The following ESCO2 variants were observed in gnomAD, a reference collection of about 807,000 sequenced individuals.
ESCO2 encodes establishment of sister chromatid cohesion N-acetyltransferase 2.
ESCO2 carries 51 observed loss-of-function variants against 61.7 expected under a neutral mutation model. The observed-to-expected ratio is 0.83, with a 90% confidence interval of 0.66 to 1.04. The LOEUF is 1.04. Ranked by LOEUF, ESCO2 falls within the 50% of genes least tolerant of loss-of-function variation. The probability of loss-of-function intolerance (pLI) is 0.00; values close to 1 mark genes in which losing one functional copy is unlikely to be tolerated. For missense variants in ESCO2, 692 were observed against 686.2 expected (o/e 1.01, Z -0.09); for synonymous variants, 230 against 238.2 (o/e 0.97, Z 0.32).
chr8:27,788,039 C>A, intron 6 of ESCO2, 37 bp downstream of exon 6: 1 of 1,496,574 alleles, frequency 6.7e-7, no homozygotes, highest in Non-Finnish European at 9.3e-7. Flanking sequence ...CCTATCTAGC[C>A]CTTTGCAGAA....
At position 27,776,755 on chromosome 8, in the gene ESCO2, A is replaced by G. The variant is rs886062858; in HGVS notation, c.447A>G (p.Gln149=). 9.9e-6 allele frequency: 16 copies of G among 1,613,870 alleles called. No individual in the cohort carries two copies. The highest frequency in any genetic ancestry group is 1.4e-5 in the Non-Finnish European group (16 of 1,180,040). The change falls in exon 3 of 11, where the codon CAA becomes CAG. Residue 149 remains glutamine (Q), a synonymous_variant. Coordinates refer to ENST00000305188, the MANE Select transcript of ESCO2 (RefSeq NM_001017420.3). ...KPQKSLTAKY[Q]PKYRHIKPVS... ...AGAAGAGTTTAACTGCTAAGTATCA[A>G]CCAAAGTATAGACACATCAAGCCTG...
rs767846409 is a variant in ESCO2, at chr8:27,776,370, A to G, written c.62A>G (p.His21Arg). ...TTTGTTTCTTTTTATAGCCTTTTAC[A>G]CTTCACTGAAAATCTGTTTCCATCA... is the stretch of plus-strand genomic sequence containing the variant. ...QDSLKCDSLL[H>R]FTENLFPSPN... Residue 21 changes from histidine (H) to arginine (R), a missense_variant, in exon 3 of 11, where the codon CAC becomes CGC. Transcript: ENST00000305188. The G allele has an allele frequency of 1.2e-5, 19 of 1,604,248 alleles. No individual in the cohort carries two copies. The highest frequency in any genetic ancestry group is 1.4e-5 in the Non-Finnish European group (17 of 1,174,788).
intron 2 of ESCO2, among the ~76,000 whole-genome samples, chr8:27,776,116 T>C (rs1160963876): frequency 6.6e-6 from 1 of 152,242 alleles, no homozygotes; most frequent in African/African-American, 2.4e-5. Context: ...TACATGCATA[T>C]ATGTCTATCA....
At chr8:27,805,708 T>C (rs1014962105), downstream of ESCO2, among the ~76,000 whole-genome samples, 5 of 152,160 alleles carry the variant, frequency 3.3e-5, no homozygotes, top group Non-Finnish European at 7.3e-5. Flanking sequence ...CCTCCCAGGT[T>C]CAAGTGATCT....
At position 27,790,984 on chromosome 8, in the gene ESCO2, T is replaced by C. The variant is rs574797447; in HGVS notation, c.1264-979T>C. 7.2e-5 allele frequency among the ~76,000 whole-genome samples: 11 copies of C among 152,348 alleles called. No homozygotes were observed. In the South Asian group the frequency reaches 2.3e-3, roughly 32 times the overall value. ...CTCTGTAAAAAATGTCTTGACTTTT[T>C]CTGCACATTTACTCTTTCAATTAAA... On this transcript the variant is annotated intron_variant, in intron 7 of 10. Transcript: ENST00000305188.
At chr8:27,806,446 T>C (rs1371935450), downstream of ESCO2, among the ~76,000 whole-genome samples, 1 of 152,194 alleles carries the variant, frequency 6.6e-6, no homozygotes, top group African/African-American at 2.4e-5. Context: ...TCCCACTTTT[T>C]TTCTTCGGTC....
intron 2 of ESCO2, 149 bp downstream of exon 2, chr8:27,775,716 C>G: frequency 2.8e-6 from 2 of 717,920 alleles, no homozygotes; most frequent in Non-Finnish European, 5.0e-6. Flanking sequence ...CTAATTCTAG[C>G]TTGGAAATAC....
rs72609979 is a variant in ESCO2, at chr8:27,799,832, T to C, written c.1673+116T>C. The C allele has an allele frequency of 0.12, 143,517 of 1,239,920 alleles. 10,524 individuals carry two copies. The highest frequency in any genetic ancestry group is 0.34 in the East Asian group (14,348 of 42,026). The allele number at this position is 1,239,920 out of a possible 1,614,324, so 76.8% of individuals were successfully genotyped here. A position where few individuals can be genotyped will look rare whatever the true frequency, so the allele number is the denominator to read the frequency against. On this transcript the variant is annotated intron_variant, in intron 10 of 10. Coordinates refer to ENST00000305188, the MANE Select transcript of ESCO2 (RefSeq NM_001017420.3). ...TAAGATACTTCAGTATAAATACTAT[T>C]AAAGTCAGGCTAAGGAAGGTATTGG...
downstream of ESCO2, among the ~76,000 whole-genome samples, chr8:27,806,818 G>C (rs1294338342): frequency 6.6e-6 from 1 of 152,082 alleles, no homozygotes; most frequent in Non-Finnish European, 1.5e-5. Context: ...GTTTTACCAT[G>C]TTGGCCAGGC....
chr8:27,810,878 A>T, downstream of ESCO2: 1 of 928,234 alleles, frequency 1.1e-6, no homozygotes, highest in Non-Finnish European at 1.7e-6. Context: ...GTACTAATAC[A>T]TATCTTAGAA....
In ESCO2 at chr8:27,799,631, C is replaced by A. The variant is rs770611624; in HGVS notation, c.1588C>A (p.Pro530Thr). 18 of 1,613,632 alleles carry A rather than the reference C, an allele frequency of 1.1e-5. 1 individual carries two copies. Among genetic ancestry groups the A allele is most frequent in the African/African-American group, 8.0e-5 (6 of 74,766 alleles). ...RAWQCSDVPEPAVCGISRIWV... is the reference protein window; with the variant it reads ...RAWQCSDVPETAVCGISRIWV... ...TTGGCAATGTTCAGATGTACCAGAA[C>A]CTGCAGTCTGTGGGATAAGTAGAAT... Residue 530 changes from proline to threonine, a missense_variant, in exon 10 of 11, where the codon CCT (proline) becomes ACT (threonine). Coordinates refer to ENST00000305188, the MANE Select transcript of ESCO2 (RefSeq NM_001017420.3).
intron 9 of ESCO2, among the ~76,000 whole-genome samples, chr8:27,793,149 T>C (rs1182515281): frequency 6.6e-6 from 1 of 152,204 alleles, no homozygotes; most frequent in Non-Finnish European, 1.5e-5. Context: ...TCATTACTTA[T>C]CCCTTAATTA....
chr8:27,808,170 T>C (rs781219021), downstream of ESCO2: 65 of 1,099,454 alleles, frequency 5.9e-5, 1 homozygote, highest in South Asian at 9.6e-4. Flanking sequence ...TAAAATCCTT[T>C]CTAATTTTTA....
At chr8:27,785,166 AAG>A (rs1049697595) in intron 5 of ESCO2, among the ~76,000 whole-genome samples, 2 of 152,250 alleles carry the variant, frequency 1.3e-5, no homozygotes, top group Non-Finnish European at 2.9e-5. Context: ...AAGGCAGAAC[AAG>A]AGAGTGTGCA....
intron 9 of ESCO2, among the ~76,000 whole-genome samples, chr8:27,795,528 G>A (rs1448118893): frequency 6.6e-6 from 1 of 152,004 alleles, no homozygotes; most frequent in East Asian, 1.9e-4. Flanking sequence ...TTGCTCTGGC[G>A]AGGAATTCCA....
Position 27,776,701 on chromosome 8 carries a change from C to A in ESCO2, c.393C>A (p.Val131=), listed in dbSNP as rs552661510. 2 of 1,613,784 alleles carry A rather than the reference C, an allele frequency of 1.2e-6. No individual in the cohort carries two copies. The highest frequency in any genetic ancestry group is 1.1e-5 in the South Asian group (1 of 91,072). ...CAGAAAAAATGCAAGGAAAACCAGT[C>A]TGCTCCAAGAAGAACAACAAAAAAC... is the stretch of plus-strand genomic sequence containing the variant. The part of the protein sequence containing the change: ...IVTEKMQGKP[V]CSKKNNKKPQ... Residue 131 remains valine (V), a synonymous_variant, in exon 3 of 11, where the codon GTC becomes GTA. Transcript: ENST00000305188.
At chr8:27,796,432 T>A (rs1805298258) in intron 9 of ESCO2, among the ~76,000 whole-genome samples, 1 of 152,190 alleles carries the variant, frequency 6.6e-6, no homozygotes, top group Admixed American at 6.5e-5. Flanking sequence ...CACTGATCTT[T>A]ATTTTCTTCC....
chr8:27,773,621 C>A (rs1804708173), upstream of ESCO2: 3 of 151,794 alleles, frequency 2.0e-5, no homozygotes, highest in African/African-American at 7.3e-5. Flanking sequence ...AAATTGAGGG[C>A]GTCACTTAAC....
At position 27,780,252 on chromosome 8, in the gene ESCO2, G is replaced by A. The variant is rs1165612904; in HGVS notation, c.940G>A (p.Gly314Ser). ...NEAFSSEDSL[G>S]ENKTISPKST... ...GGCTTTTTCTTCAGAGGATTCTCTT[G>A]GTGAGAATAAGACAAGTAAGAGAAA... Residue 314 changes from glycine (G) to serine (S), a missense_variant, in exon 4 of 11, where the codon GGT (glycine) becomes AGT (serine). By Grantham distance (56) the Gly-to-Ser change is moderately conservative (BLOSUM62 0). Transcript: ENST00000305188. 1 of 1,605,386 alleles carries A rather than the reference G, an allele frequency of 6.2e-7. No individual in the cohort carries two copies. Among genetic ancestry groups the A allele is most frequent in the African/African-American group, 1.3e-5 (1 of 74,630 alleles).
Sources: gnomAD v4.1 joint callset for allele counts (sites outside exome capture counted in the v4.1 genomes callset) on GRCh38, gnomAD v4.1.1 for gene constraint, MANE v1.5 for transcripts, NCBI Gene and HGNC (gene_info 2026-07-23, HGNC 2026-07-21) for gene names.